Variants in PLCL2 observed in about 807,000 individuals in gnomAD.
The protein encoded by PLCL2 is inactive phospholipase C-like protein 2.
A neutral mutation model predicts 79.6 loss-of-function variants in PLCL2; 4 were observed. The observed-to-expected ratio is 0.05, with a 90% CI of 0.02 to 0.11. The LOEUF is 0.11. Among genes scored for constraint, PLCL2 ranks in the 10% least tolerant of loss-of-function variants. The probability of loss-of-function intolerance (pLI) is 1.00; values close to 1 mark genes in which losing one functional copy is unlikely to be tolerated. For synonymous variants in PLCL2, 484 were observed against 457.7 expected, an observed-to-expected ratio of 1.06 and a Z score of -0.73; for missense variants, 895 against 1,291.0, an observed-to-expected ratio of 0.69 and a Z score of 4.70.
intron 1 of PLCL2, among the ~76,000 whole-genome samples, chr3:16,964,264 T>C (rs1468563834): frequency 6.8e-6 from 1 of 148,082 alleles, no homozygotes; most frequent in African/African-American, 2.5e-5. Context: ...AGTGAGAACA[T>C]GCGGTGTTTG....
intron 1 of PLCL2, among the ~76,000 whole-genome samples, chr3:16,975,407 T>C (rs1340366662): frequency 1.3e-5 from 2 of 152,218 alleles, no homozygotes; most frequent in Non-Finnish European, 2.9e-5. Flanking sequence ...TGCTTTGAAA[T>C]ATCTAGTGTA....
chr3:17,090,297 C>T lies in PLCL2; in HGVS notation c.*385C>T, dbSNP rs1057222598. 1.0e-5 allele frequency: 10 copies of T among 966,200 alleles called. No individual in the cohort carries two copies. The highest frequency in any genetic ancestry group is 8.8e-5 in the African/African-American group (5 of 56,820). The allele number at this position is 966,200 out of a possible 1,614,324, so 59.9% of individuals were successfully genotyped here. A position where few individuals can be genotyped will look rare whatever the true frequency, so the allele number is the denominator to read the frequency against. ...TTATTGGAGAAAAAAACCTGATCTA[C>T]ACATTTTTACTTATATGGGGTTGCC... On this transcript the variant is annotated 3_prime_UTR_variant, in exon 6 of 6. Transcript: ENST00000615277.
At chr3:17,031,319 G>A (rs1192589886) in intron 3 of PLCL2, among the ~76,000 whole-genome samples, 2 of 152,156 alleles carry the variant, frequency 1.3e-5, no homozygotes, top group Non-Finnish European at 2.9e-5. Context: ...CAGCAAAGTG[G>A]CTGTGGACTA....
At chr3:17,068,430 T>C (rs2065030996) in intron 5 of PLCL2, among the ~76,000 whole-genome samples, 1 of 152,200 alleles carries the variant, frequency 6.6e-6, no homozygotes, top group Admixed American at 6.5e-5. Flanking sequence ...GTTACTCAAA[T>C]TTCATTTAAC....
At chr3:16,978,851 C>T (rs1372594639) in intron 1 of PLCL2, among the ~76,000 whole-genome samples, 4 of 152,128 alleles carry the variant, frequency 2.6e-5, no homozygotes, top group Non-Finnish European at 5.9e-5. Context: ...CAGACTTTGC[C>T]CTTTGCCAAA....
At chr3:17,056,655 A>G (rs2064895013) in intron 4 of PLCL2, among the ~76,000 whole-genome samples, 1 of 152,146 alleles carries the variant, frequency 6.6e-6, no homozygotes, top group Non-Finnish European at 1.5e-5. Flanking sequence ...TAACATATTA[A>G]AGAAAAAACA....
intron 3 of PLCL2, among the ~76,000 whole-genome samples, chr3:17,016,826 T>C (rs1045971930): frequency 6.6e-6 from 1 of 152,240 alleles, no homozygotes; most frequent in Non-Finnish European, 1.5e-5. Flanking sequence ...ACCTGTTTCA[T>C]TGACCAAAAT....
At chr3:16,935,532 C>T (rs759740857) in intron 1 of PLCL2, among the ~76,000 whole-genome samples, 14 of 151,954 alleles carry the variant, frequency 9.2e-5, no homozygotes, top group African/African-American at 2.4e-4. Flanking sequence ...TTAATTCATC[C>T]GGAATTTTCG....
chr3:16,971,525 A>G (rs1252005983), intron 1 of PLCL2, among the ~76,000 whole-genome samples: 4 of 152,198 alleles, frequency 2.6e-5, no homozygotes, highest in East Asian at 3.9e-4. Flanking sequence ...TTGACTTGGC[A>G]ATGCGGGCTC....
chr3:17,019,809 A>C (rs534827047), intron 3 of PLCL2, among the ~76,000 whole-genome samples: 11 of 152,312 alleles, frequency 7.2e-5, no homozygotes, highest in African/African-American at 2.6e-4. Context: ...ATTTTACTTA[A>C]AATATATATA....
At chr3:17,038,430 T>C (rs2064681678) in intron 3 of PLCL2, among the ~76,000 whole-genome samples, 1 of 152,220 alleles carries the variant, frequency 6.6e-6, no homozygotes, top group Non-Finnish European at 1.5e-5. Flanking sequence ...ATAATGCTTA[T>C]ATAATTAACC....
chr3:16,931,061 A>G (rs952913539), intron 1 of PLCL2, among the ~76,000 whole-genome samples: 1 of 151,808 alleles, frequency 6.6e-6, no homozygotes, highest in Non-Finnish European at 1.5e-5. Context: ...GCCAGTTCCC[A>G]TTCCTCAGCC....
chr3:17,031,570 G>C (rs890990655), intron 3 of PLCL2, among the ~76,000 whole-genome samples: 6 of 152,128 alleles, frequency 3.9e-5, no homozygotes, highest in Non-Finnish European at 8.8e-5. Context: ...TTGTGTATGT[G>C]TACATCCTTG....
At chr3:16,892,249 T>A (rs1696368555) in intron 1 of PLCL2, among the ~76,000 whole-genome samples, 1 of 152,196 alleles carries the variant, frequency 6.6e-6, no homozygotes, top group South Asian at 2.1e-4. Flanking sequence ...AGGAAATACC[T>A]TCATTTAAAG....
intron 1 of PLCL2, among the ~76,000 whole-genome samples, chr3:16,913,823 AT>A (rs1025952196): frequency 2.0e-5 from 3 of 152,194 alleles, no homozygotes; most frequent in African/African-American, 7.2e-5. Context: ...GAAATTAATG[AT>A]TTTATGGAAG....
chr3:16,959,998 A>G (rs1009374294), intron 1 of PLCL2, among the ~76,000 whole-genome samples: 9 of 152,112 alleles, frequency 5.9e-5, no homozygotes, highest in African/African-American at 2.2e-4. Flanking sequence ...CCAGCTACTC[A>G]GGAGGCTGAG....
At chr3:16,918,472 G>A (rs74509702) in intron 1 of PLCL2, among the ~76,000 whole-genome samples, 7,374 of 152,222 alleles carry the variant, frequency 0.048, 260 homozygotes, top group Admixed American at 0.11. Context: ...AATAATAGGT[G>A]AGTCTGGGAA....
intron 4 of PLCL2, among the ~76,000 whole-genome samples, chr3:17,057,960 C>G (rs972125810): frequency 2.2e-4 from 34 of 152,210 alleles, no homozygotes; most frequent in Non-Finnish European, 4.4e-4. Flanking sequence ...GGACCCTCCC[C>G]TAAGAGGGCT....
intron 1 of PLCL2, among the ~76,000 whole-genome samples, chr3:16,940,962 G>A (rs947552730): frequency 6.6e-6 from 1 of 152,090 alleles, no homozygotes; most frequent in Non-Finnish European, 1.5e-5. Flanking sequence ...TTTTAATTTT[G>A]TAGGCCTGCA....
Sources: gnomAD v4.1 joint callset for allele counts (sites outside exome capture counted in the v4.1 genomes callset) on GRCh38, gnomAD v4.1.1 for gene constraint, MANE v1.5 for transcripts, NCBI Gene and HGNC (gene_info 2026-07-23, HGNC 2026-07-21) for gene names.